Variants in FHIT observed in about 807,000 individuals in gnomAD.
FHIT encodes the protein bis(5'-adenosyl)-triphosphatase.
Under a neutral mutation model 17.9 loss-of-function variants are expected in FHIT, and 19 were observed. The ratio of observed to expected loss-of-function variants is 1.06; its 90% CI spans 0.74 to 1.56. FHIT has a LOEUF of 1.56. Among genes scored for constraint, FHIT ranks in the 40% most tolerant of loss-of-function variants. The pLI is 0.00. For missense variants in FHIT, 248 were observed against 189.2 expected (o/e 1.31, Z -1.82); for synonymous variants, 81 against 69.7 (o/e 1.16, Z -0.81).
chr3:60,593,203 G>T (rs2038149200), intron 4 of FHIT, among the ~76,000 whole-genome samples: 1 of 152,078 alleles, frequency 6.6e-6, no homozygotes. Context: ...CTCTCACTTT[G>T]TACCCTTAAC....
intron 5 of FHIT, among the ~76,000 whole-genome samples, chr3:60,159,799 T>C (rs1051105742): frequency 9.9e-5 from 15 of 152,138 alleles, no homozygotes; most frequent in Non-Finnish European, 2.2e-4. Context: ...TAATAAATGG[T>C]GGAGACACCA....
At chr3:60,134,703 G>T (rs1225913487) in intron 5 of FHIT, among the ~76,000 whole-genome samples, 1 of 152,124 alleles carries the variant, frequency 6.6e-6, no homozygotes, top group Non-Finnish European at 1.5e-5. Flanking sequence ...ACCGACAAAT[G>T]TAGACACGTA....
chr3:60,094,803 GAGAGAGAGAGAGAGAAGA>G (rs11276292), intron 5 of FHIT, among the ~76,000 whole-genome samples: 33,752 of 121,930 alleles, frequency 0.28, 4,000 homozygotes, highest in South Asian at 0.3. Flanking sequence ...AGGGGTGGGG[GAGAGAGAGAGAGAGAAGA>G]AGAGAGAGAG....
rs536054039 is a variant in FHIT at position 59,973,432 on chromosome 3, GCACATGCTGTATCCCTCCC to G, written c.279+37920_279+37938del. The stretch of plus-strand genomic sequence containing the variant: ...CTCTCTCTTCTGCCACAGGCCCTCT[GCACATGCTGTATCCCTCCC>G]CAACCTCTGTCTCTGCCTTCACTGA... On this transcript the variant is annotated intron_variant, in intron 7 of 9. Transcript: ENST00000492590. 2.0e-5 allele frequency among the ~76,000 whole-genome samples: 3 copies of G among 152,108 alleles called. No individual in the cohort carries two copies. In the East Asian group the frequency reaches 5.8e-4, roughly 29 times the overall value.
At chr3:60,843,366 A>C (rs1356158552) in intron 3 of FHIT, among the ~76,000 whole-genome samples, 2 of 152,218 alleles carry the variant, frequency 1.3e-5, no homozygotes, top group African/African-American at 4.8e-5. Flanking sequence ...TCTATCTTTT[A>C]GAAAAATGCT....
intron 5 of FHIT, among the ~76,000 whole-genome samples, chr3:60,093,719 G>T (rs1015416336): frequency 2.0e-5 from 3 of 152,150 alleles, no homozygotes; most frequent in African/African-American, 4.8e-5. Context: ...CTGCACATGC[G>T]AAGGATTTAG....
intron 7 of FHIT, among the ~76,000 whole-genome samples, chr3:59,990,525 C>T (rs1411132900): frequency 3.3e-5 from 5 of 152,072 alleles, no homozygotes; most frequent in East Asian, 1.9e-4. Flanking sequence ...AGATCTCAAT[C>T]CACTTTGCAA....
chr3:60,097,963 T>C (rs1704030690), intron 5 of FHIT, among the ~76,000 whole-genome samples: 1 of 149,102 alleles, frequency 6.7e-6, no homozygotes, highest in African/African-American at 2.5e-5. Flanking sequence ...GAACATGCAG[T>C]GTTTGGTTTT....
chr3:59,912,473 TA>T (rs1383692963), intron 8 of FHIT, among the ~76,000 whole-genome samples: 2 of 152,194 alleles, frequency 1.3e-5, no homozygotes, highest in Non-Finnish European at 2.9e-5. Flanking sequence ...AGATTTGACC[TA>T]AATGTGCAAT....
chr3:59,796,799 A>G (rs1328795887), intron 8 of FHIT, among the ~76,000 whole-genome samples: 5 of 152,156 alleles, frequency 3.3e-5, no homozygotes, highest in Middle Eastern at 3.2e-3. Context: ...TCCCTTAATG[A>G]TGTCTGACTT....
At chr3:60,399,804 A>C (rs569432464) in intron 5 of FHIT, among the ~76,000 whole-genome samples, 8 of 152,146 alleles carry the variant, frequency 5.3e-5, no homozygotes, top group African/African-American at 1.7e-4. Context: ...GCTATGATAC[A>C]TAATTTTTTA....
chr3:60,141,756 C>G (rs912419246), intron 5 of FHIT, among the ~76,000 whole-genome samples: 1 of 152,090 alleles, frequency 6.6e-6, no homozygotes, highest in Non-Finnish European at 1.5e-5. Flanking sequence ...GTTTAATTTC[C>G]ACGTTTACCA....
intron 5 of FHIT, among the ~76,000 whole-genome samples, chr3:60,277,501 G>A (rs1382514732): frequency 6.6e-6 from 1 of 152,082 alleles, no homozygotes; most frequent in African/African-American, 2.4e-5. Context: ...CCTTTTCTTT[G>A]CCAGCCACAT....
chr3:59,866,038 T>C (rs1401511970), intron 8 of FHIT, among the ~76,000 whole-genome samples: 1 of 152,114 alleles, frequency 6.6e-6, no homozygotes, highest in Non-Finnish European at 1.5e-5. Context: ...ATTCAACAAA[T>C]ATTTACCAGC....
intron 5 of FHIT, among the ~76,000 whole-genome samples, chr3:60,382,440 C>T (rs1177028958): frequency 3.3e-5 from 5 of 152,206 alleles, no homozygotes; most frequent in Admixed American, 1.3e-4. Flanking sequence ...GTCCTGAATA[C>T]GATCCGTAAT....
chr3:60,377,722 C>G (rs1700631606), intron 5 of FHIT, among the ~76,000 whole-genome samples: 1 of 151,282 alleles, frequency 6.6e-6, no homozygotes, highest in African/African-American at 2.4e-5. Context: ...ACCTCGTGAT[C>G]CACCCGCCTC....
chr3:59,934,358 C>G (rs1706124962), intron 7 of FHIT, among the ~76,000 whole-genome samples: 2 of 152,102 alleles, frequency 1.3e-5, no homozygotes, highest in Admixed American at 1.3e-4. Context: ...AGTAAAAGTT[C>G]TAAGCCCACT....
At chr3:61,212,053 A>C (rs998290976) in intron 1 of FHIT, among the ~76,000 whole-genome samples, 5 of 152,238 alleles carry the variant, frequency 3.3e-5, no homozygotes, top group Admixed American at 3.3e-4. Flanking sequence ...AAGATGGGAA[A>C]AAACAGAGCA....
intron 8 of FHIT, among the ~76,000 whole-genome samples, chr3:59,906,854 A>T (rs1327915544): frequency 6.6e-6 from 1 of 152,220 alleles, no homozygotes; most frequent in East Asian, 1.9e-4. Context: ...CTCACATTCC[A>T]TCTGGTGTGT....
Sources: allele counts gnomAD v4.1 joint callset (sites outside exome capture counted in the v4.1 genomes callset), GRCh38; gene constraint gnomAD v4.1.1; transcripts MANE v1.5; gene names NCBI Gene and HGNC (gene_info 2026-07-23, HGNC 2026-07-21).